CDK13: variants seen among roughly 807,000 people sequenced by gnomAD.
The protein encoded by CDK13 is cyclin dependent kinase 13.
CDK13 carries 40 observed loss-of-function variants against 137.6 expected under a neutral mutation model. The observed-to-expected ratio is 0.29, with a 90% CI of 0.23 to 0.38. The LOEUF (loss-of-function observed/expected upper bound fraction) is 0.38. Ranked by LOEUF, CDK13 falls within the 10% of genes least tolerant of loss-of-function variation. The pLI, the probability that CDK13 is intolerant of heterozygous loss-of-function variation, is 1.00. For missense variants in CDK13, 1,704 were observed against 1,951.8 expected (o/e 0.87, Z 2.39); for synonymous variants, 869 against 760.1 (o/e 1.14, Z -2.36).
At chr7:40,043,497 AT>A (rs1256090315) in intron 5 of CDK13, among the ~76,000 whole-genome samples, 1 of 152,182 alleles carries the variant, frequency 6.6e-6, no homozygotes, top group African/African-American at 2.4e-5. Context: ...GAGAAAAACC[AT>A]TGGTCCTTTT....
At chr7:40,023,489 A>G (rs1413107459) in intron 5 of CDK13, among the ~76,000 whole-genome samples, 3 of 146,912 alleles carry the variant, frequency 2.0e-5, no homozygotes, top group Non-Finnish European at 4.5e-5. Context: ...CTAGCCTTCA[A>G]CCTTGGATTG....
intron 2 of CDK13, 80 bp from the exon 3 acceptor site, chr7:39,997,414 T>C (rs1444182744): frequency 4.9e-6 from 5 of 1,023,430 alleles, no homozygotes; most frequent in Non-Finnish European, 7.5e-6. Context: ...TGACTATTGC[T>C]ACTTAAATGT....
At chr7:39,976,991 A>T (rs1354884249) in intron 1 of CDK13, among the ~76,000 whole-genome samples, 1 of 152,210 alleles carries the variant, frequency 6.6e-6, no homozygotes, top group African/African-American at 2.4e-5. Flanking sequence ...AATGTGGTTG[A>T]TATCTAAAAT....
At chr7:40,022,620 G>T (rs1050092540) in intron 5 of CDK13, among the ~76,000 whole-genome samples, 8 of 151,734 alleles carry the variant, frequency 5.3e-5, no homozygotes, top group African/African-American at 1.9e-4. Context: ...GATTGGGGCT[G>T]GGGTGGGGTT....
At chr7:39,983,851 C>G (rs930600122) in intron 1 of CDK13, among the ~76,000 whole-genome samples, 23 of 151,988 alleles carry the variant, frequency 1.5e-4, no homozygotes, top group African/African-American at 5.3e-4. Context: ...TATTTCACAA[C>G]CAGCTTACAA....
At chr7:40,042,082 A>G (rs1785618547) in intron 5 of CDK13, among the ~76,000 whole-genome samples, 1 of 151,322 alleles carries the variant, frequency 6.6e-6, no homozygotes, top group Non-Finnish European at 1.5e-5. Context: ...ATTTTTTTGT[A>G]TTGATTCTTT....
At chr7:40,030,041 A>G (rs1785334344) in intron 5 of CDK13, among the ~76,000 whole-genome samples, 1 of 151,624 alleles carries the variant, frequency 6.6e-6, no homozygotes, top group Non-Finnish European at 1.5e-5. Flanking sequence ...TGCATCCCCT[A>G]CCCCTTTTGC....
intron 12 of CDK13, among the ~76,000 whole-genome samples, chr7:40,089,872 G>T (rs1214477934): frequency 6.6e-6 from 1 of 151,976 alleles, no homozygotes; most frequent in Non-Finnish European, 1.5e-5. Context: ...AACTTTTGGT[G>T]GTTGAAGATA....
intron 11 of CDK13, among the ~76,000 whole-genome samples, chr7:40,083,874 A>C (rs1174876615): frequency 6.6e-6 from 1 of 152,162 alleles, no homozygotes; most frequent in Non-Finnish European, 1.5e-5. Flanking sequence ...ATATAATATA[A>C]TATCTCTCAC....
chr7:39,997,485 C>A lies in CDK13; in HGVS notation c.1872-9C>A. 6.3e-7 allele frequency: 1 copy of A among 1,584,110 alleles called. No individual in the cohort carries two copies. Among genetic ancestry groups the A allele is most frequent in the Non-Finnish European group, 8.5e-7 (1 of 1,172,608 alleles). The stretch of plus-strand genomic sequence containing the variant: ...TTTGTTTTATTTGTCTGACTTCTTT[C>A]ACTTTCAGCTTACGAGGAAATATTT... On this transcript the variant is annotated splice_polypyrimidine_tract_variant and intron_variant, in intron 2 of 13. Transcript: ENST00000181839.
Position 40,089,721 on chromosome 7 carries a change from A to T in CDK13, c.3235+1390A>T, listed in dbSNP as rs945472499. Among the ~76,000 whole-genome samples, 976 of 126,740 alleles carry T rather than the reference A, an allele frequency of 7.7e-3. 12 individuals are homozygous for T. Among genetic ancestry groups the T allele is most frequent in the African/African-American group, 0.032 (876 of 27,366 alleles). The allele number at this position is 126,740 out of a possible 152,430, so 83.1% of individuals were successfully genotyped here. On this transcript the variant is annotated intron_variant, in intron 12 of 13. Coordinates refer to ENST00000181839, the MANE Select transcript of CDK13 (RefSeq NM_003718.5). ...AATAGAGAGAGAGAGAGAGAGAGAG[A>T]GAGTGTGTGTGTGTGTGTGTGTGTG...
At chr7:39,974,276 G>A (rs1488412070) in intron 1 of CDK13, among the ~76,000 whole-genome samples, 1 of 151,830 alleles carries the variant, frequency 6.6e-6, no homozygotes, top group African/African-American at 2.4e-5. Flanking sequence ...ATGTTGCTCA[G>A]GGTGGTCTTG....
At chr7:40,021,411 G>A (rs1214819678) in intron 5 of CDK13, among the ~76,000 whole-genome samples, 2 of 151,570 alleles carry the variant, frequency 1.3e-5, no homozygotes, top group Non-Finnish European at 2.9e-5. Flanking sequence ...CAGGAGAATC[G>A]CTTGAATCCA....
At chr7:40,016,459 A>C (rs1330053856) in intron 5 of CDK13, among the ~76,000 whole-genome samples, 1 of 152,176 alleles carries the variant, frequency 6.6e-6, no homozygotes, top group Non-Finnish European at 1.5e-5. Flanking sequence ...GTGATAGGAG[A>C]GACTTTATAT....
intron 2 of CDK13, among the ~76,000 whole-genome samples, chr7:39,991,054 A>G (rs1562716090): frequency 6.6e-6 from 1 of 152,174 alleles, no homozygotes; most frequent in East Asian, 1.9e-4. Flanking sequence ...GTAAAAGAGG[A>G]ACTATTGGTT....
At chr7:39,962,450 G>T (rs1427032881) in intron 1 of CDK13, among the ~76,000 whole-genome samples, 3 of 152,192 alleles carry the variant, frequency 2.0e-5, no homozygotes, top group African/African-American at 7.2e-5. Context: ...AGAAGTGTCT[G>T]TTCATATCCT....
At chr7:40,051,100 T>C (rs1328481252) in intron 7 of CDK13, among the ~76,000 whole-genome samples, 1 of 152,208 alleles carries the variant, frequency 6.6e-6, no homozygotes, top group Non-Finnish European at 1.5e-5. Context: ...ATTTTGAGTT[T>C]AGAGAACCAG....
chr7:39,953,109 A>ATG (rs1201583789), intron 1 of CDK13, among the ~76,000 whole-genome samples: 3 of 152,166 alleles, frequency 2.0e-5, no homozygotes, highest in African/African-American at 2.4e-5. Context: ...AAATTAGCAG[A>ATG]CCTTTTTGAA....
chr7:40,003,194 A>ACT lies in CDK13; in HGVS notation c.2353+1164_2353+1165insTC, dbSNP rs1368242412. On this transcript the variant is annotated intron_variant, in intron 5 of 13. Transcript: ENST00000181839. ...CACACACACACACACACACACACAC[A>ACT]CACACACACACACTCTCTCTCTCTC... 1.1e-3 allele frequency among the ~76,000 whole-genome samples: 110 copies of ACT among 101,248 alleles called. No homozygotes were observed. In the Middle Eastern group the frequency reaches 0.013, roughly 12 times the overall value. The allele number at this position is 101,248 out of a possible 152,430, so 66.4% of individuals were successfully genotyped here.
Sources: gnomAD v4.1 joint callset for allele counts (sites outside exome capture counted in the v4.1 genomes callset) on GRCh38, gnomAD v4.1.1 for gene constraint, MANE v1.5 for transcripts, NCBI Gene and HGNC (gene_info 2026-07-23, HGNC 2026-07-21) for gene names.